ESR1: variants seen among roughly 807,000 people sequenced by gnomAD.
ESR1 encodes estrogen receptor.
ESR1 carries 12 observed loss-of-function variants against 52.7 expected under a neutral mutation model. That is an observed-to-expected ratio of 0.23 (90% CI 0.15 to 0.37). The LOEUF is 0.37. Ranked by LOEUF, ESR1 falls within the 10% of genes least tolerant of loss-of-function variation. ESR1 has a pLI of 1.00. For synonymous variants in ESR1, 305 were observed against 316.8 expected (o/e 0.96, Z 0.39); for missense variants, 584 against 779.7 (o/e 0.75, Z 2.99).
At chr6:152,115,596 C>T (rs1585279647) in intron 6 of ESR1, among the ~76,000 whole-genome samples, 2 of 152,196 alleles carry the variant, frequency 1.3e-5, no homozygotes, top group South Asian at 2.1e-4. Flanking sequence ...GGTTTGATGA[C>T]ATAAAAATGA....
intron 7 of ESR1, among the ~76,000 whole-genome samples, chr6:152,096,050 C>CATGGT (rs1295743997): frequency 2.6e-5 from 4 of 152,194 alleles, no homozygotes; most frequent in Admixed American, 6.5e-5. Flanking sequence ...AAGTAGACCT[C>CATGGT]ATCTGCAGGG....
chr6:151,984,378 T>G (rs2040257752), intron 4 of ESR1, among the ~76,000 whole-genome samples: 1 of 152,118 alleles, frequency 6.6e-6, no homozygotes, highest in Admixed American at 6.5e-5. Context: ...AACGCAACTA[T>G]GAGGAAATAA....
upstream of ESR1, among the ~76,000 whole-genome samples, chr6:151,806,583 C>A (rs544859324): frequency 5.1e-5 from 5 of 97,352 alleles, no homozygotes; most frequent in Admixed American, 1.1e-4. Context: ...TGTGTATGTG[C>A]GTGTGCATGT....
chr6:152,122,837 C>T (rs567536123), intron 6 of ESR1, among the ~76,000 whole-genome samples: 132 of 152,250 alleles, frequency 8.7e-4, no homozygotes, highest in Admixed American at 2.0e-3. Context: ...TCACCCCCCA[C>T]CATCAAATGA....
chr6:151,680,392 C>T (rs926094255), intron 1 of ESR1, among the ~76,000 whole-genome samples: 21 of 151,858 alleles, frequency 1.4e-4, no homozygotes, highest in Admixed American at 1.1e-3. Context: ...TTAGTAGAGA[C>T]GGGGTTTTGC....
chr6:151,992,796 T>C (rs1346867308), intron 4 of ESR1, among the ~76,000 whole-genome samples: 2 of 152,178 alleles, frequency 1.3e-5, no homozygotes, highest in African/African-American at 2.4e-5. Flanking sequence ...CTTAGTTACC[T>C]ACCCCAGTGG....
chr6:151,816,808 C>A (rs1317967464), intron 1 of ESR1, among the ~76,000 whole-genome samples: 1 of 152,120 alleles, frequency 6.6e-6, no homozygotes, highest in South Asian at 2.1e-4. Context: ...CTTTGAGGAA[C>A]TGAAGGGAGG....
chr6:151,748,366 C>A (rs1223369198), intron 2 of ESR1, among the ~76,000 whole-genome samples: 3 of 152,124 alleles, frequency 2.0e-5, no homozygotes, highest in African/African-American at 7.2e-5. Flanking sequence ...TTGTATCATT[C>A]TTTATCACTT....
chr6:151,878,607 A>G (rs1792258046), intron 2 of ESR1, among the ~76,000 whole-genome samples: 1 of 152,204 alleles, frequency 6.6e-6, no homozygotes, highest in African/African-American at 2.4e-5. Context: ...ATTTCACTGC[A>G]TGTTGCATCT....
chr6:152,111,079 G>T (rs1027284869), intron 6 of ESR1, among the ~76,000 whole-genome samples: 14 of 152,130 alleles, frequency 9.2e-5, no homozygotes. Flanking sequence ...ACTAGCAGCA[G>T]GGCCTGTCTC....
intron 4 of ESR1, among the ~76,000 whole-genome samples, chr6:151,950,213 C>G (rs951835464): frequency 3.9e-5 from 6 of 152,294 alleles, no homozygotes; most frequent in Admixed American, 3.3e-4. Context: ...ATTGCCTACT[C>G]TGGGATGTGT....
Position 151,961,259 on chromosome 6 carries a change from C to T in ESR1, c.1096+16751C>T, listed in dbSNP as rs563894945. Among the ~76,000 whole-genome samples, 11 of 152,122 alleles carry T rather than the reference C, an allele frequency of 7.2e-5. No individual in the cohort carries two copies. In the South Asian group the frequency reaches 1.0e-3, roughly 14 times the overall value. ...AGTCAGAAAGAAGAGAGGGAACCCGCAAAGGAGATTGAAATGGAATCCATC... is the reference window on the plus strand; with the variant it reads ...AGTCAGAAAGAAGAGAGGGAACCCGTAAAGGAGATTGAAATGGAATCCATC... On this transcript the variant is annotated intron_variant, in intron 4 of 7. Coordinates refer to ENST00000206249, the MANE Select transcript of ESR1 (RefSeq NM_000125.4).
intron 2 of ESR1, among the ~76,000 whole-genome samples, chr6:151,758,470 G>A (rs1419281924): frequency 6.6e-6 from 1 of 152,084 alleles, no homozygotes; most frequent in Non-Finnish European, 1.5e-5. Flanking sequence ...TCATTTTATA[G>A]AAGAGGAAGG....
Position 152,010,782 on chromosome 6 carries a change from G to T in ESR1, c.1097-874G>T, listed in dbSNP as rs548284339. Among the ~76,000 whole-genome samples, 9 of 152,032 alleles carry T rather than the reference G, an allele frequency of 5.9e-5. No homozygotes were observed. In the East Asian group the frequency reaches 1.7e-3, roughly 29 times the overall value. On this transcript the variant is annotated intron_variant, in intron 4 of 7. Coordinates refer to ENST00000206249, the MANE Select transcript of ESR1 (RefSeq NM_000125.4). ...GGAATATCAGTTCCTACCTCTTCAG[G>T]TTGTTGTATTCATAAATAAATTGTG... is the stretch of plus-strand genomic sequence containing the variant.
intron 5 of ESR1, among the ~76,000 whole-genome samples, chr6:152,027,723 G>T (rs905779882): frequency 6.6e-6 from 1 of 152,110 alleles, no homozygotes; most frequent in Non-Finnish European, 1.5e-5. Flanking sequence ...AACATAAATT[G>T]CAATACTTTT....
intron 1 of ESR1, among the ~76,000 whole-genome samples, chr6:151,684,529 A>C (rs897584595): frequency 5.3e-5 from 8 of 152,216 alleles, no homozygotes; most frequent in African/African-American, 1.7e-4. Context: ...CTGAGAGCTG[A>C]AGAGGATCTG....
chr6:151,763,289 T>G (rs1178219703), intron 2 of ESR1, among the ~76,000 whole-genome samples: 3 of 152,076 alleles, frequency 2.0e-5, no homozygotes, highest in African/African-American at 2.4e-5. Context: ...TTTCCATATA[T>G]AATCACCTCT....
At chr6:151,944,578 A>G in intron 4 of ESR1, 70 bp downstream of exon 4, 2 of 1,376,086 alleles carry the variant, frequency 1.5e-6, no homozygotes, top group Non-Finnish European at 2.1e-6. Context: ...TCATGGGAGA[A>G]ATAGTGGGGG....
chr6:151,837,152 G>A (rs900079917), intron 1 of ESR1, among the ~76,000 whole-genome samples: 1 of 141,230 alleles, frequency 7.1e-6, no homozygotes, highest in Non-Finnish European at 1.5e-5. Flanking sequence ...CCAGGCTGGA[G>A]TGCACTGGCA....
Sources: allele counts gnomAD v4.1 joint callset (sites outside exome capture counted in the v4.1 genomes callset), GRCh38; gene constraint gnomAD v4.1.1; transcripts MANE v1.5; gene names NCBI Gene and HGNC (gene_info 2026-07-23, HGNC 2026-07-21).